The following TRMT9B variants were observed in gnomAD, a reference collection of about 807,000 sequenced individuals.
The protein encoded by TRMT9B is tRNA methyltransferase 9B (putative), also known as probable tRNA methyltransferase 9B.
TRMT9B carries 16 observed loss-of-function variants against 11.5 expected under a neutral mutation model. That is an observed-to-expected ratio of 1.39 (90% CI 0.94 to 2.11). The LOEUF is 2.11. Among genes scored for constraint, TRMT9B ranks in the 30% most tolerant of loss-of-function variants. The pLI is 0.00. For synonymous variants in TRMT9B, 274 were observed against 192.4 expected, an observed-to-expected ratio of 1.42 and a Z score of -3.51; for missense variants, 941 against 553.8, an observed-to-expected ratio of 1.70 and a Z score of -7.02.
At chr8:13,009,421 T>A (rs1462073268) in intron 3 of TRMT9B, among the ~76,000 whole-genome samples, 1 of 152,132 alleles carries the variant, frequency 6.6e-6, no homozygotes, top group Non-Finnish European at 1.5e-5. Flanking sequence ...GTAAAAGTAT[T>A]TTAATAGGTA....
chr8:12,952,598 C>T, intron 1 of TRMT9B: 2 of 732,332 alleles, frequency 2.7e-6, no homozygotes, highest in Non-Finnish European at 3.3e-6. Context: ...CCCTGGGGAA[C>T]TGATTTTTAA....
intron 3 of TRMT9B, 132 bp from the exon 4 acceptor site, chr8:13,012,552 G>T: frequency 8.3e-7 from 1 of 1,199,758 alleles, no homozygotes; most frequent in Non-Finnish European, 1.1e-6. Context: ...TCCAGCCTGG[G>T]TGACTGAGGG....
chr8:13,012,843 T>A lies in TRMT9B; in HGVS notation c.314T>A (p.Ile105Asn), dbSNP rs781387355. Residue 105 changes from isoleucine (I) to asparagine (N), a missense_variant, in exon 4 of 5, where the codon ATC becomes AAC. Physicochemically the swap from Ile to Asn is moderately radical, Grantham distance 149. Transcript: ENST00000524591. ...LPFRDEGFDAIISIGVIHHFS... is the reference protein window; with the variant it reads ...LPFRDEGFDANISIGVIHHFS... ...TTTAGGGATGAGGGCTTCGATGCCA[T>A]CATCTCCATAGGAGGTAAGGCAGCC... is the stretch of plus-strand genomic sequence containing the variant. 28 of 1,613,844 alleles carry A rather than the reference T, an allele frequency of 1.7e-5. No individual in the cohort carries two copies. Among genetic ancestry groups the A allele is most frequent in the Non-Finnish European group, 2.4e-5 (28 of 1,179,834 alleles).
At chr8:13,017,376 C>T (rs1021872653) in intron 4 of TRMT9B, among the ~76,000 whole-genome samples, 3 of 152,124 alleles carry the variant, frequency 2.0e-5, no homozygotes, top group African/African-American at 7.2e-5. Context: ...GGGCTCTCAG[C>T]AGGAAAATAC....
At chr8:13,012,632 A>G (rs777692408) in intron 3 of TRMT9B, 52 bp from the exon 4 acceptor site, 1 of 1,532,628 alleles carries the variant, frequency 6.5e-7, no homozygotes, top group Non-Finnish European at 8.8e-7. Context: ...CAAATGAAGT[A>G]TTTCACATTT....
chr8:12,999,924 A>C (rs1197078188), intron 2 of TRMT9B, among the ~76,000 whole-genome samples: 2 of 152,226 alleles, frequency 1.3e-5, no homozygotes, highest in Admixed American at 6.5e-5. Context: ...GAAAACTTTT[A>C]ATCTTTATGA....
chr8:12,977,695 G>A (rs1001807704), intron 1 of TRMT9B, among the ~76,000 whole-genome samples: 29 of 152,024 alleles, frequency 1.9e-4, no homozygotes, highest in Admixed American at 1.9e-3. Context: ...GCAAGACTCT[G>A]TCTCAAAAAC....
intron 2 of TRMT9B, among the ~76,000 whole-genome samples, chr8:12,995,855 A>G (rs1808243231): frequency 6.6e-6 from 1 of 152,148 alleles, no homozygotes. Flanking sequence ...AGCTCAGCAG[A>G]TTTTTCCAAT....
chr8:12,950,418 G>A (rs28438788), intron 1 of TRMT9B, among the ~76,000 whole-genome samples: 2,736 of 152,184 alleles, frequency 0.018, 91 homozygotes, highest in African/African-American at 0.063. Context: ...TATCCAATAC[G>A]TCTTCTGTGT....
At chr8:13,002,404 A>G (rs771047305) in intron 2 of TRMT9B, among the ~76,000 whole-genome samples, 2 of 152,242 alleles carry the variant, frequency 1.3e-5, no homozygotes, top group Non-Finnish European at 2.9e-5. Context: ...TGAAAAGCAC[A>G]CAGTGTTTCT....
chr8:12,980,608 A>AC (rs1212391871), intron 1 of TRMT9B, among the ~76,000 whole-genome samples: 1 of 152,080 alleles, frequency 6.6e-6, no homozygotes, highest in East Asian at 1.9e-4. Context: ...GCCAAAATAA[A>AC]CCAAGATTGC....
At chr8:12,967,339 C>G (rs2203835) in intron 1 of TRMT9B, among the ~76,000 whole-genome samples, 50,182 of 152,042 alleles carry the variant, frequency 0.33, 8,682 homozygotes, top group East Asian at 0.62. Flanking sequence ...TGAGACTTGA[C>G]TTTGGGACTA....
intron 1 of TRMT9B, among the ~76,000 whole-genome samples, chr8:12,954,473 T>G (rs1189826026): frequency 2.0e-5 from 3 of 152,248 alleles, no homozygotes; most frequent in Admixed American, 6.5e-5. Flanking sequence ...TACATGTCAC[T>G]GTTCTCATTT....
intron 2 of TRMT9B, among the ~76,000 whole-genome samples, chr8:12,995,761 A>T (rs2030430): frequency 0.24 from 36,266 of 152,050 alleles, 5,300 homozygotes; most frequent in East Asian, 0.58. Flanking sequence ...TACCAATTAG[A>T]CCCAAGTCAT....
At chr8:12,975,624 G>C (rs1489928844) in intron 1 of TRMT9B, among the ~76,000 whole-genome samples, 1 of 152,146 alleles carries the variant, frequency 6.6e-6, no homozygotes, top group African/African-American at 2.4e-5. Context: ...TGTAATCCCA[G>C]CTACTTTGGA....
chr8:13,006,725 G>C, intron 3 of TRMT9B: 1 of 1,102,202 alleles, frequency 9.1e-7, no homozygotes, highest in Non-Finnish European at 1.2e-6. Flanking sequence ...TTGGAGTGCA[G>C]TGGTGCAATC....
intron 1 of TRMT9B, chr8:12,952,077 G>A (rs767006679): frequency 5.2e-6 from 2 of 382,100 alleles, no homozygotes; most frequent in Non-Finnish European, 1.1e-5. Flanking sequence ...AGGGGTGGAA[G>A]TTACACCTGG....
intron 1 of TRMT9B, among the ~76,000 whole-genome samples, chr8:12,969,695 C>T (rs1170829687): frequency 1.3e-5 from 2 of 149,736 alleles, no homozygotes; most frequent in Admixed American, 6.6e-5. Flanking sequence ...GAGTGAGTGT[C>T]TCTCTATACC....
chr8:12,953,911 G>T (rs1410521197), intron 1 of TRMT9B, among the ~76,000 whole-genome samples: 1 of 152,158 alleles, frequency 6.6e-6, no homozygotes, highest in African/African-American at 2.4e-5. Context: ...GATCAGATTT[G>T]AAAAGAGAGC....
Sources: gnomAD v4.1 joint callset for allele counts (sites outside exome capture counted in the v4.1 genomes callset) on GRCh38, gnomAD v4.1.1 for gene constraint, MANE v1.5 for transcripts, NCBI Gene and HGNC (gene_info 2026-07-23, HGNC 2026-07-21) for gene names.